Variants in DCDC2C observed in about 807,000 individuals in gnomAD.
DCDC2C encodes the protein doublecortin domain containing 2C, also known as doublecortin domain-containing protein 2C.
A neutral mutation model predicts 45.0 loss-of-function variants in DCDC2C; 44 were observed. That is an observed-to-expected ratio of 0.98 (90% CI 0.77 to 1.26). The LOEUF (loss-of-function observed/expected upper bound fraction) is 1.26, where lower values mean the gene tolerates loss of function less well. Among genes scored for constraint, DCDC2C ranks in the 50% most tolerant of loss-of-function variants. DCDC2C has a pLI of 0.00. For synonymous variants in DCDC2C, 187 were observed against 178.8 expected (o/e 1.05, Z -0.37); for missense variants, 447 against 468.9 (o/e 0.95, Z 0.43).
chr2:3,778,906 T>G, intron 9 of DCDC2C, 22 bp downstream of exon 9: 1 of 1,548,818 alleles, frequency 6.5e-7, no homozygotes, highest in Non-Finnish European at 8.7e-7. Flanking sequence ...TTATTTTGTG[T>G]TTAATGGCTT....
intron 10 of DCDC2C, among the ~76,000 whole-genome samples, chr2:3,813,732 CTTTTTT>C (rs3067128): frequency 4.0e-5 from 4 of 99,168 alleles, no homozygotes; most frequent in Admixed American, 1.1e-4. Context: ...GCAACCCCTG[CTTTTTT>C]TTTTTTTTTT....
chr2:3,807,246 C>T (rs2148209124), intron 10 of DCDC2C, among the ~76,000 whole-genome samples: 1 of 152,270 alleles, frequency 6.6e-6, no homozygotes, highest in South Asian at 2.1e-4. Flanking sequence ...CAAATTTCCC[C>T]CCTTGCCTTT....
chr2:3,778,458 G>A (rs1670413695), intron 8 of DCDC2C, among the ~76,000 whole-genome samples: 1 of 152,170 alleles, frequency 6.6e-6, no homozygotes, highest in Non-Finnish European at 1.5e-5. Flanking sequence ...GAGGAGTGAG[G>A]GCAGGCAGGC....
At chr2:3,809,996 A>C (rs1671351319) in intron 10 of DCDC2C, among the ~76,000 whole-genome samples, 1 of 152,106 alleles carries the variant, frequency 6.6e-6, no homozygotes, top group Admixed American at 6.6e-5. Flanking sequence ...CTTATCATTG[A>C]TGGGCATTTG....
At chr2:3,814,310 A>G (rs1457181038) in intron 10 of DCDC2C, among the ~76,000 whole-genome samples, 4 of 152,120 alleles carry the variant, frequency 2.6e-5, no homozygotes, top group Admixed American at 6.5e-5. Flanking sequence ...CACTTGGTCA[A>G]TTTGGCTATT....
At chr2:3,813,859 CTT>C (rs1223759677) in intron 10 of DCDC2C, among the ~76,000 whole-genome samples, 1 of 151,084 alleles carries the variant, frequency 6.6e-6, no homozygotes, top group African/African-American at 2.4e-5. Context: ...AGTCTTGACT[CTT>C]TATCCAATTT....
chr2:3,724,907 C>T (rs898587707), intron 2 of DCDC2C, among the ~76,000 whole-genome samples: 3 of 152,132 alleles, frequency 2.0e-5, no homozygotes, highest in Non-Finnish European at 4.4e-5. Flanking sequence ...ACACGTTTGC[C>T]CCACCTGAAC....
intron 3 of DCDC2C, among the ~76,000 whole-genome samples, chr2:3,735,684 A>G (rs1285874700): frequency 6.6e-6 from 1 of 152,024 alleles, no homozygotes; most frequent in Non-Finnish European, 1.5e-5. Context: ...AGCCCGGGGA[A>G]TTTTCATGGT....
chr2:3,828,350 G>A (rs1671876531), intron 10 of DCDC2C, among the ~76,000 whole-genome samples: 1 of 152,152 alleles, frequency 6.6e-6, no homozygotes, highest in Non-Finnish European at 1.5e-5. Flanking sequence ...TGGGTGCAGG[G>A]CGGGTGCCGC....
intron 3 of DCDC2C, among the ~76,000 whole-genome samples, chr2:3,728,860 G>T (rs1668777718): frequency 6.6e-6 from 1 of 152,210 alleles, no homozygotes; most frequent in Non-Finnish European, 1.5e-5. Context: ...CCAGATGCTG[G>T]AGAGAGAGCC....
At chr2:3,791,321 T>A (rs1040478452) in intron 10 of DCDC2C, among the ~76,000 whole-genome samples, 7 of 152,218 alleles carry the variant, frequency 4.6e-5, no homozygotes, top group Non-Finnish European at 5.9e-5. Flanking sequence ...TTTCGTGTGG[T>A]GGGCTCCACT....
chr2:3,768,379 C>T (rs982925017), intron 7 of DCDC2C, among the ~76,000 whole-genome samples: 1 of 152,196 alleles, frequency 6.6e-6, no homozygotes, highest in African/African-American at 2.4e-5. Flanking sequence ...TGAGCTCTTA[C>T]TGGGTGCCCA....
At chr2:3,790,675 A>G (rs1384807111) in intron 10 of DCDC2C, among the ~76,000 whole-genome samples, 3 of 152,182 alleles carry the variant, frequency 2.0e-5, no homozygotes, top group Non-Finnish European at 4.4e-5. Context: ...CTCCATCACC[A>G]CAGCTAAGTC....
At chr2:3,741,722 C>G (rs113951146) in intron 3 of DCDC2C, among the ~76,000 whole-genome samples, 198 bp from the exon 4 acceptor site, 2 of 151,684 alleles carry the variant, frequency 1.3e-5, no homozygotes, top group East Asian at 3.9e-4. Context: ...TATACACACA[C>G]GCGCGCGTCT....
chr2:3,788,373 GT>G (rs1670709549), intron 10 of DCDC2C: 1 of 152,114 alleles, frequency 6.6e-6, no homozygotes, highest in African/African-American at 2.4e-5. Context: ...CGGGTGTGTA[GT>G]TTGCTGTTTT....
At chr2:3,800,395 C>T (rs1266556866) in intron 10 of DCDC2C, among the ~76,000 whole-genome samples, 1 of 152,192 alleles carries the variant, frequency 6.6e-6, no homozygotes, top group African/African-American at 2.4e-5. Context: ...GCTCCTCCCT[C>T]TGCAAATTTG....
At chr2:3,782,283 C>T (rs1670532642) in intron 9 of DCDC2C, among the ~76,000 whole-genome samples, 1 of 152,132 alleles carries the variant, frequency 6.6e-6, no homozygotes, top group Admixed American at 6.6e-5. Context: ...ATGTCAATAG[C>T]ATAGAAGTGG....
intron 9 of DCDC2C, among the ~76,000 whole-genome samples, chr2:3,780,562 G>T (rs1670481590): frequency 6.6e-6 from 1 of 152,100 alleles, no homozygotes; most frequent in African/African-American, 2.4e-5. Context: ...CAGGTATCCG[G>T]GCCAAGGATC....
In DCDC2C at chr2:3,818,305, A is replaced by G. The variant is rs143827828; in HGVS notation, c.1066-28849A>G. 0.024 allele frequency among the ~76,000 whole-genome samples: 3,647 copies of G among 152,316 alleles called. 70 individuals carry two copies. Among genetic ancestry groups the G allele is most frequent in the Middle Eastern group, 0.085 (25 of 294 alleles). ...TAATTTGCTGAGCCTGATGGGTGTC[A>G]GGGTCTGTCCAAGTGAAAGCGAAGA... On this transcript the variant is annotated intron_variant, in intron 10 of 10. Transcript: ENST00000399143. This position sits in a 1 kb window ranked among gnomAD's most constrained non-coding sequence, Gnocchi z 4.7.
Sources: allele counts gnomAD v4.1 joint callset (sites outside exome capture counted in the v4.1 genomes callset), GRCh38; gene constraint gnomAD v4.1.1; non-coding constraint Gnocchi (gnomAD v3.1); transcripts MANE v1.5; gene names NCBI Gene and HGNC (gene_info 2026-07-23, HGNC 2026-07-21).